The following MMADHC variants were observed in gnomAD, a reference collection of about 807,000 sequenced individuals.
The protein encoded by MMADHC is cobalamin trafficking protein CblD.
In MMADHC, 23 loss-of-function variants were observed where a neutral mutation model predicts 36.3. That is an observed-to-expected ratio of 0.63 (90% CI 0.46 to 0.90). MMADHC has a LOEUF of 0.90. MMADHC is among the 40% of genes least tolerant of loss of function. The pLI is 0.00. For missense variants in MMADHC, 330 were observed against 348.0 expected, an observed-to-expected ratio of 0.95 and a Z score of 0.41; for synonymous variants, 97 against 116.1, an observed-to-expected ratio of 0.84 and a Z score of 1.06.
At chr2:149,574,848 T>C (rs549835091) in intron 6 of MMADHC, among the ~76,000 whole-genome samples, 1 of 152,328 alleles carries the variant, frequency 6.6e-6, no homozygotes, top group South Asian at 2.1e-4. Flanking sequence ...TCGCTCAGGC[T>C]GAAGGGCAGT....
intron 4 of MMADHC, among the ~76,000 whole-genome samples, chr2:149,577,506 G>A (rs1426568637): frequency 1.3e-5 from 2 of 152,076 alleles, no homozygotes; most frequent in African/African-American, 4.8e-5. Flanking sequence ...TACAGGCAAT[G>A]AGAAACAGCA....
intron 2 of MMADHC, among the ~76,000 whole-genome samples, chr2:149,585,285 C>T (rs1682851680): frequency 6.6e-6 from 1 of 152,112 alleles, no homozygotes. Flanking sequence ...AGATGACATG[C>T]TATTATGTTT....
Position 149,576,423 on chromosome 2 carries a change from A to G in MMADHC, c.478+14T>C, listed in dbSNP as rs1378491862. 13 of 1,545,876 alleles carry G rather than the reference A, an allele frequency of 8.4e-6. No individual in the cohort carries two copies. The highest frequency in any genetic ancestry group is 1.4e-5 in the African/African-American group (1 of 73,738). On this transcript the variant is annotated intron_variant, in intron 5 of 7. Coordinates refer to ENST00000303319, the MANE Select transcript of MMADHC (RefSeq NM_015702.3). ...AATTAGTAACAGTGTTTCAAAGTAT[A>G]AAGCATGACATACCTTTTCGCAGCA...
intron 6 of MMADHC, among the ~76,000 whole-genome samples, chr2:149,571,440 T>C (rs2105042496): frequency 6.6e-6 from 1 of 152,352 alleles, no homozygotes; most frequent in Middle Eastern, 3.4e-3. Context: ...CTACTTCTAA[T>C]GAGTTCTGTA....
intron 1 of MMADHC, chr2:149,587,421 CAA>C: frequency 2.2e-6 from 1 of 459,218 alleles, no homozygotes; most frequent in South Asian, 2.6e-5. Flanking sequence ...GCTGGGTGGC[CAA>C]AATTCAGTCC....
intron 3 of MMADHC, among the ~76,000 whole-genome samples, chr2:149,580,239 G>A (rs13339815): frequency 6.6e-6 from 1 of 152,094 alleles, no homozygotes; most frequent in African/African-American, 2.4e-5. Flanking sequence ...TGGGATTACA[G>A]TCATGAGCCA....
At chr2:149,577,517 A>G (rs1158572930) in intron 4 of MMADHC, among the ~76,000 whole-genome samples, 2 of 152,184 alleles carry the variant, frequency 1.3e-5, no homozygotes, top group Non-Finnish European at 2.9e-5. Flanking sequence ...AGAAACAGCA[A>G]TATCAAATAC....
chr2:149,580,490 T>C (rs1682779440), intron 3 of MMADHC, among the ~76,000 whole-genome samples: 1 of 152,022 alleles, frequency 6.6e-6, no homozygotes, highest in Non-Finnish European at 1.5e-5. Flanking sequence ...TCCTAACTTA[T>C]AAAAAATTCA....
intron 3 of MMADHC, among the ~76,000 whole-genome samples, chr2:149,580,215 G>T (rs1682775735): frequency 6.6e-6 from 1 of 152,022 alleles, no homozygotes; most frequent in African/African-American, 2.4e-5. Context: ...TCCTCCCTCA[G>T]CCTCCCAAAG....
chr2:149,575,637 C>G (rs1050018152), intron 6 of MMADHC, 74 bp downstream of exon 6: 3 of 1,252,936 alleles, frequency 2.4e-6, no homozygotes, highest in African/African-American at 3.1e-5. Context: ...TGACAGTCAT[C>G]ATTTTAAGAC....
rs895662970 is a variant in MMADHC at position 149,576,356 on chromosome 2, C to T, written c.478+81G>A. 14 of 938,254 alleles carry T rather than the reference C, an allele frequency of 1.5e-5. No individual in the cohort carries two copies. In the East Asian group the frequency reaches 2.2e-4, roughly 15 times the overall value. The allele number at this position is 938,254 out of a possible 1,614,324, so 58.1% of individuals were successfully genotyped here. A position where few individuals can be genotyped will look rare whatever the true frequency, so the allele number is the denominator to read the frequency against. On this transcript the variant is annotated intron_variant, in intron 5 of 7. Coordinates refer to ENST00000303319, the MANE Select transcript of MMADHC (RefSeq NM_015702.3). ...TAAAATATAATATTAAGGTATACAGCGTTCCAATTTCTATAGAGTACATTA... is the reference window on the plus strand; with the variant it reads ...TAAAATATAATATTAAGGTATACAGTGTTCCAATTTCTATAGAGTACATTA...
chr2:149,572,257 T>A (rs1386188357), intron 6 of MMADHC: 1 of 424,120 alleles, frequency 2.4e-6, no homozygotes, highest in East Asian at 8.7e-5. Flanking sequence ...AAGAATTGCT[T>A]GAACCCGGGA....
At chr2:149,587,389 C>A (rs1184328397) in intron 1 of MMADHC, 8 of 521,176 alleles carry the variant, frequency 1.5e-5, no homozygotes, top group Non-Finnish European at 2.4e-5. Flanking sequence ...CAACTCGGAC[C>A]AGATCCGGGA....
Position 149,575,849 on chromosome 2 carries a change from T to TA in MMADHC, c.479-9dup. 1 of 1,591,188 alleles carries TA rather than the reference T, an allele frequency of 6.3e-7. No homozygotes were observed. The highest frequency in any genetic ancestry group is 8.6e-7 in the Non-Finnish European group (1 of 1,162,562). The stretch of plus-strand genomic sequence containing the variant: ...GAAACAGTGATTCAAAATCTACAAA[T>TA]AAGAATAAACATTCCAGGTAGAAAA... On this transcript the variant is annotated splice_polypyrimidine_tract_variant and intron_variant, in intron 5 of 7. Transcript: ENST00000303319.
At chr2:149,576,361 C>T in intron 5 of MMADHC, 76 bp downstream of exon 5, 1 of 1,012,614 alleles carries the variant, frequency 9.9e-7, no homozygotes, top group Non-Finnish European at 1.6e-6. Context: ...TACAGCGTTC[C>T]AATTTCTATA....
At chr2:149,570,542 T>C (rs1682623670) in intron 7 of MMADHC, among the ~76,000 whole-genome samples, 1 of 152,190 alleles carries the variant, frequency 6.6e-6, no homozygotes, top group Non-Finnish European at 1.5e-5. Context: ...GAAGAAATGG[T>C]ATATATTCCT....
intron 2 of MMADHC, 120 bp from the exon 3 acceptor site, chr2:149,582,391 T>G (rs577543461): frequency 1.1e-6 from 1 of 870,484 alleles, no homozygotes; most frequent in African/African-American, 1.7e-5. Flanking sequence ...TATTCTACTT[T>G]TACTGAACAC....
chr2:149,579,774 T>A, intron 3 of MMADHC, 126 bp from the exon 4 acceptor site: 1 of 857,090 alleles, frequency 1.2e-6, no homozygotes, highest in Non-Finnish European at 1.8e-6. Flanking sequence ...TGCTTTCCCA[T>A]GTGAATATAA....
intron 7 of MMADHC, among the ~76,000 whole-genome samples, chr2:149,570,861 A>G (rs1040277496): frequency 6.6e-6 from 1 of 152,200 alleles, no homozygotes; most frequent in African/African-American, 2.4e-5. Flanking sequence ...AGCAGAAAGT[A>G]AAAACATTTT....
Sources: allele counts gnomAD v4.1 joint callset (sites outside exome capture counted in the v4.1 genomes callset), GRCh38; gene constraint gnomAD v4.1.1; transcripts MANE v1.5; gene names NCBI Gene and HGNC (gene_info 2026-07-23, HGNC 2026-07-21).